ANKRD27: variants seen among roughly 807,000 people sequenced by gnomAD.
ANKRD27 encodes ankyrin repeat domain 27.
A neutral mutation model predicts 129.7 loss-of-function variants in ANKRD27; 112 were observed. The ratio of observed to expected loss-of-function variants is 0.86; its 90% CI spans 0.74 to 1.01. ANKRD27 has a LOEUF of 1.01. Ranked by LOEUF, ANKRD27 falls within the 50% of genes least tolerant of loss-of-function variation. The pLI is 0.00. For synonymous variants in ANKRD27, 516 were observed against 511.2 expected (o/e 1.01, Z -0.13); for missense variants, 1,258 against 1,300.5 (o/e 0.97, Z 0.50).
chr19:32,609,631 G>C (rs540428985), intron 22 of ANKRD27, among the ~76,000 whole-genome samples: 1 of 145,708 alleles, frequency 6.9e-6, no homozygotes, highest in Admixed American at 6.8e-5. Flanking sequence ...AGCAGGTCAC[G>C]GGTTGCCTGG....
At chr19:32,618,451 GAAAAAAAAAAAA>G (rs55674756) in intron 20 of ANKRD27, among the ~76,000 whole-genome samples, 94 of 100,304 alleles carry the variant, frequency 9.4e-4, no homozygotes, top group Non-Finnish European at 1.5e-3. Flanking sequence ...GTCCCAAAAA[GAAAAAAAAAAAA>G]AAAAAAAAAG....
intron 13 of ANKRD27, among the ~76,000 whole-genome samples, chr19:32,630,022 C>T (rs1966965311): frequency 6.6e-6 from 1 of 152,050 alleles, no homozygotes; most frequent in Non-Finnish European, 1.5e-5. Context: ...CCCACCTTAG[C>T]CTCCCATATA....
chr19:32,607,728 G>A lies in ANKRD27; in HGVS notation c.2280C>T (p.Ile760=). 1 of 1,613,094 alleles carries A rather than the reference G, an allele frequency of 6.2e-7. No homozygotes were observed. Among genetic ancestry groups the A allele is most frequent in the Non-Finnish European group, 8.5e-7 (1 of 1,179,692 alleles). Residue 760 remains isoleucine, a synonymous_variant, in exon 23 of 29, where the codon ATC becomes ATT. Coordinates refer to ENST00000306065, the MANE Select transcript of ANKRD27 (RefSeq NM_032139.3). ...VAALHGRADL[I]PLLLKHGANA... is the part of the protein sequence containing the mutation. ...TGGCCCCGTGCTTCAGCAGGAGGGG[G>A]ATGAGGTCCGCCCGGCCGTGCAGGG... is the stretch of plus-strand genomic sequence containing the variant.
chr19:32,663,811 C>T (rs1441257128), intron 1 of ANKRD27, among the ~76,000 whole-genome samples: 1 of 152,076 alleles, frequency 6.6e-6, no homozygotes, highest in Non-Finnish European at 1.5e-5. Flanking sequence ...AATCCCAGCA[C>T]TTTGGGAGGC....
intron 17 of ANKRD27, among the ~76,000 whole-genome samples, chr19:32,624,729 T>C: frequency 6.6e-6 from 1 of 151,560 alleles, no homozygotes; most frequent in East Asian, 2.0e-4. Flanking sequence ...TTACTTGAGT[T>C]CAGGAATGTA....
rs1325466718 is a variant in ANKRD27 at position 32,598,108 on chromosome 19, GCTT to G, written c.*34_*36del. The G allele has an allele frequency of 6.4e-7, 1 of 1,573,790 alleles. No homozygotes were observed. Among genetic ancestry groups the G allele is most frequent in the Non-Finnish European group, 8.7e-7 (1 of 1,144,134 alleles). On this transcript the variant is annotated 3_prime_UTR_variant, in exon 29 of 29. Transcript: ENST00000306065. ...CTCAGCATCATCTTGTTGCATCCTTGCTTCCTAGCAGTGGGTTCAACAACTCCT... is the reference window on the plus strand; with the variant it reads ...CTCAGCATCATCTTGTTGCATCCTTGCCTAGCAGTGGGTTCAACAACTCCT...
chr19:32,649,170 G>A lies in ANKRD27; in HGVS notation c.213+512C>T, dbSNP rs568824352. ...TTATTTTTGGCAGAGATGGGGTCTC[G>A]TTATGTTTTCCAGGCTGGTCTCAAA... is the stretch of plus-strand genomic sequence containing the variant. On this transcript the variant is annotated intron_variant, in intron 3 of 28. Coordinates refer to ENST00000306065, the MANE Select transcript of ANKRD27 (RefSeq NM_032139.3). Among the ~76,000 whole-genome samples, 9 of 152,062 alleles carry A rather than the reference G, an allele frequency of 5.9e-5. No individual in the cohort carries two copies. The South Asian group carries it at 1.7e-3, about 28-fold the overall frequency.
At chr19:32,665,560 C>T (rs7253668) in intron 1 of ANKRD27, among the ~76,000 whole-genome samples, 14,175 of 151,058 alleles carry the variant, frequency 0.094, 821 homozygotes, top group East Asian at 0.26. Flanking sequence ...CCAGGGTTCA[C>T]GCCATTCTCC....
chr19:32,600,520 G>A (rs529863400), intron 26 of ANKRD27, among the ~76,000 whole-genome samples: 10 of 152,108 alleles, frequency 6.6e-5, no homozygotes, highest in African/African-American at 1.4e-4. Context: ...CAGCCTGGGC[G>A]ACAGAGCAAG....
chr19:32,618,868 A>C (rs1440632948), intron 20 of ANKRD27, among the ~76,000 whole-genome samples: 1 of 152,102 alleles, frequency 6.6e-6, no homozygotes, highest in Non-Finnish European at 1.5e-5. Context: ...CCCGGATTGC[A>C]CCACTGCACT....
intron 2 of ANKRD27, among the ~76,000 whole-genome samples, chr19:32,653,225 G>C (rs1481811310): frequency 6.6e-6 from 1 of 152,148 alleles, no homozygotes. Context: ...CTGAGAACTG[G>C]AGCAGGGGTC....
At chr19:32,620,568 C>CAAAA (rs59205429) in intron 18 of ANKRD27, among the ~76,000 whole-genome samples, 31 of 142,942 alleles carry the variant, frequency 2.2e-4, no homozygotes, top group Non-Finnish European at 3.5e-4. Flanking sequence ...GACTCCGTCT[C>CAAAA]AAAAAAAAAA....
intron 23 of ANKRD27, among the ~76,000 whole-genome samples, chr19:32,607,118 C>A (rs1971754860): frequency 7.1e-6 from 1 of 141,250 alleles, no homozygotes; most frequent in African/African-American, 2.6e-5. Context: ...ACGCTCCAGC[C>A]TGGGAGACAG....
intron 13 of ANKRD27, 124 bp from the exon 14 acceptor site, chr19:32,628,973 T>C (rs764718466): frequency 1.5e-5 from 16 of 1,069,520 alleles, no homozygotes; most frequent in African/African-American, 3.2e-5. Context: ...CAGGCTGGAG[T>C]GCAATGGTGT....
chr19:32,607,709 C>T lies in ANKRD27; in HGVS notation c.2299G>A (p.Gly767Arg), dbSNP rs376400350. 1.1e-5 allele frequency: 17 copies of T among 1,612,864 alleles called. No homozygotes were observed. Among genetic ancestry groups the T allele is most frequent in the Middle Eastern group, 1.7e-4 (1 of 5,966 alleles). Residue 767 changes from glycine to arginine, a missense_variant, in exon 23 of 29, where the codon GGG becomes AGG. Transcript: ENST00000306065. Reference protein sequence around the residue: ...ADLIPLLLKHGANAGARNADQ... With the variant: ...ADLIPLLLKHRANAGARNADQ... ...GCGTTCCTGGCACCTGCGTTGGCCCCGTGCTTCAGCAGGAGGGGGATGAGG... is the reference window on the plus strand; with the variant it reads ...GCGTTCCTGGCACCTGCGTTGGCCCTGTGCTTCAGCAGGAGGGGGATGAGG...
At chr19:32,644,194 A>T in intron 5 of ANKRD27, 131 bp downstream of exon 5, 5 of 1,111,966 alleles carry the variant, frequency 4.5e-6, no homozygotes, top group Non-Finnish European at 6.5e-6. Flanking sequence ...TTATAGTTAG[A>T]GAGAAACATT....
intron 21 of ANKRD27, among the ~76,000 whole-genome samples, chr19:32,616,510 G>A (rs1971921821): frequency 1.4e-5 from 2 of 140,030 alleles, no homozygotes; most frequent in African/African-American, 5.3e-5. Flanking sequence ...CTGAGATCAT[G>A]CCACTGCACT....
rs184965641 is a variant in ANKRD27, at chr19:32,597,210, C to G, written c.*935G>C. On this transcript the variant is annotated 3_prime_UTR_variant, in exon 29 of 29. Transcript: ENST00000306065. ...AACGGACTCAGGACAAACCCATATA[C>G]GTGTAGCTCTAGGCCAATAACATAA... 1 of 140,518 alleles carries G rather than the reference C, an allele frequency of 7.1e-6. No homozygotes were observed. Among genetic ancestry groups the G allele is most frequent in the African/African-American group, 2.5e-5 (1 of 40,586 alleles). The allele number at this position is 140,518 out of a possible 1,614,324, so 8.7% of individuals were successfully genotyped here.
At chr19:32,646,438 A>T (rs767979644) in intron 4 of ANKRD27, 21 bp downstream of exon 4, 1 of 1,585,614 alleles carries the variant, frequency 6.3e-7, no homozygotes, top group South Asian at 1.1e-5. Flanking sequence ...CAGGAGAAAA[A>T]GGTTTTTTCT....
Sources: allele counts gnomAD v4.1 joint callset (sites outside exome capture counted in the v4.1 genomes callset), GRCh38; gene constraint gnomAD v4.1.1; transcripts MANE v1.5; gene names NCBI Gene and HGNC (gene_info 2026-07-23, HGNC 2026-07-21).